Variants in LARGE1 observed in about 807,000 individuals in gnomAD.
LARGE1 encodes LARGE xylosyl- and glucuronyltransferase 1, also known as xylosyl- and glucuronyltransferase LARGE1.
Under a neutral mutation model 87.6 loss-of-function variants are expected in LARGE1, and 43 were observed. That is an observed-to-expected ratio of 0.49 (90% CI 0.38 to 0.63). The LOEUF is 0.63. Among genes scored for constraint, LARGE1 ranks in the 30% least tolerant of loss-of-function variants. The probability of loss-of-function intolerance (pLI) is 0.00; values close to 1 mark genes in which losing one functional copy is unlikely to be tolerated. For missense variants in LARGE1, 802 were observed against 1,000.2 expected, an observed-to-expected ratio of 0.80 and a Z score of 2.67; for synonymous variants, 434 against 394.6, an observed-to-expected ratio of 1.10 and a Z score of -1.18.
chr22:33,390,689 GTTTT>G (rs200764992), intron 7 of LARGE1, among the ~76,000 whole-genome samples: 8 of 131,802 alleles, frequency 6.1e-5, no homozygotes, highest in African/African-American at 8.5e-5. Context: ...TTTGTTGTGT[GTTTT>G]TTTTTTTTTT....
In LARGE1 at chr22:33,920,238, C is replaced by G. The variant is rs532396916; in HGVS notation, c.-326G>C. 1 of 152,708 alleles carries G rather than the reference C, an allele frequency of 6.5e-6. No individual in the cohort carries two copies. The highest frequency in any genetic ancestry group is 2.4e-5 in the African/African-American group (1 of 41,488). 9.5% of individuals were successfully genotyped at this position (152,708 alleles called of 1,614,324 possible). On this transcript the variant is annotated 5_prime_UTR_variant, in exon 1 of 15. Transcript: ENST00000397394. The stretch of plus-strand genomic sequence containing the variant: ...CTTCCTCCGGGGCCGCTGCCTGGAG[C>G]TGCTCCCGGCCCGGGGGACTCTTCC...
intron 9 of LARGE1, among the ~76,000 whole-genome samples, chr22:33,371,780 C>T (rs1335038080): frequency 2.6e-5 from 4 of 151,972 alleles, no homozygotes; most frequent in African/African-American, 7.3e-5. Flanking sequence ...GTCAGGAGAT[C>T]GAGACCATCC....
At chr22:33,087,173 A>AT in the LARGE1 span, among the ~76,000 whole-genome samples, 1 of 151,256 alleles carries the variant, frequency 6.6e-6, no homozygotes, top group Non-Finnish European at 1.5e-5. Flanking sequence ...CCACTCTCTT[A>AT]TTTTTTTTCC....
chr22:33,597,310 T>G (rs975392530), intron 5 of LARGE1, among the ~76,000 whole-genome samples: 2 of 150,790 alleles, frequency 1.3e-5, no homozygotes, highest in Admixed American at 1.3e-4. Flanking sequence ...TTGTAAGTAT[T>G]AAGCCTTCTT....
At chr22:33,147,583 C>T in the LARGE1 span, among the ~76,000 whole-genome samples, 1 of 152,094 alleles carries the variant, frequency 6.6e-6, no homozygotes, top group African/African-American at 2.4e-5. Flanking sequence ...TTCCATGTAA[C>T]CTCACCTAGG....
At chr22:33,890,095 G>C (rs925041492) in intron 1 of LARGE1, among the ~76,000 whole-genome samples, 5 of 152,200 alleles carry the variant, frequency 3.3e-5, no homozygotes, top group African/African-American at 4.8e-5. Flanking sequence ...CAACGACAGT[G>C]GTCTGAAGAT....
intron 12 of LARGE1, among the ~76,000 whole-genome samples, chr22:33,299,416 A>G (rs1347955482): frequency 1.3e-5 from 2 of 152,210 alleles, no homozygotes; most frequent in African/African-American, 4.8e-5. Flanking sequence ...ACAATGTAGC[A>G]TACTGCCTGA....
chr22:33,512,571 G>A (rs111694185), intron 6 of LARGE1, among the ~76,000 whole-genome samples: 7,490 of 152,310 alleles, frequency 0.049, 259 homozygotes, highest in Middle Eastern at 0.17. Flanking sequence ...GGGAGGCCGA[G>A]GCAGGAAGAT....
chr22:33,422,934 C>A (rs545715325), intron 7 of LARGE1, among the ~76,000 whole-genome samples: 18 of 152,150 alleles, frequency 1.2e-4, no homozygotes, highest in African/African-American at 4.3e-4. Flanking sequence ...GAGATTTGGG[C>A]AGGGAAACAG....
chr22:33,881,523 T>C (rs16993223), intron 1 of LARGE1, among the ~76,000 whole-genome samples: 5,183 of 152,264 alleles, frequency 0.034, 303 homozygotes, highest in African/African-American at 0.12. Context: ...AGAAGAGAAG[T>C]GTGGTTAAAA....
At chr22:33,753,103 C>T (rs1306777029) in intron 2 of LARGE1, among the ~76,000 whole-genome samples, 1 of 152,070 alleles carries the variant, frequency 6.6e-6, no homozygotes, top group African/African-American at 2.4e-5. Context: ...GCCTGTAATC[C>T]CAGCTACTCA....
At chr22:33,451,008 C>G (rs777163106) in intron 6 of LARGE1, among the ~76,000 whole-genome samples, 43 of 152,290 alleles carry the variant, frequency 2.8e-4, no homozygotes, top group Admixed American at 5.2e-4. Flanking sequence ...GTCAGCAAAG[C>G]CAGTGCAGAC....
intron 6 of LARGE1, among the ~76,000 whole-genome samples, chr22:33,476,083 A>G (rs988389221): frequency 1.3e-5 from 2 of 152,254 alleles, no homozygotes; most frequent in African/African-American, 4.8e-5. Flanking sequence ...ATTTGGCCAC[A>G]AGGAAATTCC....
chr22:33,268,717 G>A (rs1158938406), downstream of LARGE1, among the ~76,000 whole-genome samples: 2 of 151,972 alleles, frequency 1.3e-5, no homozygotes, highest in Non-Finnish European at 2.9e-5. Context: ...ATGAGCCACC[G>A]CGCCCGGCCT....
chr22:33,688,619 G>A (rs2082009574), intron 2 of LARGE1, among the ~76,000 whole-genome samples: 1 of 152,088 alleles, frequency 6.6e-6, no homozygotes, highest in African/African-American at 2.4e-5. Flanking sequence ...CCAAAGTGCT[G>A]GGATTATAGG....
At chr22:33,575,016 G>T (rs1229903319) in intron 5 of LARGE1, among the ~76,000 whole-genome samples, 2 of 152,114 alleles carry the variant, frequency 1.3e-5, no homozygotes, top group African/African-American at 4.8e-5. Context: ...CTTGGAGGAA[G>T]CCTGGTGAAA....
At chr22:33,522,570 T>C (rs149256166) in intron 6 of LARGE1, among the ~76,000 whole-genome samples, 3,782 of 152,150 alleles carry the variant, frequency 0.025, 126 homozygotes, top group African/African-American at 0.077. Context: ...CGGTGGCTGA[T>C]GCCTATAATC....
chr22:33,116,499 C>T, the LARGE1 span, among the ~76,000 whole-genome samples: 5 of 151,822 alleles, frequency 3.3e-5, no homozygotes, highest in African/African-American at 1.2e-4. Flanking sequence ...GGACTACAGG[C>T]GCCCGCCACC....
chr22:33,354,634 C>A (rs1940720446), intron 9 of LARGE1, among the ~76,000 whole-genome samples: 1 of 152,142 alleles, frequency 6.6e-6, no homozygotes, highest in Non-Finnish European at 1.5e-5. Flanking sequence ...TGATGGTCAT[C>A]AAGAGAGACT....
Sources: allele counts gnomAD v4.1 joint callset (sites outside exome capture counted in the v4.1 genomes callset), GRCh38; gene constraint gnomAD v4.1.1; transcripts MANE v1.5; gene names NCBI Gene and HGNC (gene_info 2026-07-23, HGNC 2026-07-21).